The following CCDC87 variants were observed in gnomAD, a reference collection of about 807,000 sequenced individuals.
The protein encoded by CCDC87 is coiled-coil domain-containing protein 87.
For missense variants in CCDC87, 1,072 were observed against 1,041.7 expected, an observed-to-expected ratio of 1.03 and a Z score of -0.40; for synonymous variants, 434 against 440.2, an observed-to-expected ratio of 0.99 and a Z score of 0.18.
At position 66,590,449 on chromosome 11, in the gene CCDC87, G is replaced by C. The variant is rs763164561; in HGVS notation, c.*17C>G. 7.6e-6 allele frequency: 12 copies of C among 1,580,150 alleles called. No homozygotes were observed. The Admixed American group carries it at 2.1e-4, about 28-fold the overall frequency. On this transcript the variant is annotated 3_prime_UTR_variant, in exon 1 of 1. Coordinates refer to ENST00000333861, the MANE Select transcript of CCDC87 (RefSeq NM_018219.3). ...CTGGGCCTGGTCAAGGAGTAATAGG[G>C]GTATTCCCAGGAGCTACTAAAGGCT...
rs778179008 is a variant in CCDC87 at position 66,591,926 on chromosome 11, T to A, written c.1090A>T (p.Met364Leu). ...GGGTAGCGAGTCCCCTCCAACTTCA[T>A]CTTCTTTATCAACTGCTTCAGATCC... Reference protein sequence around the residue: ...AEDLKQLIKKMKLEGTRYPPL... With the variant: ...AEDLKQLIKKLKLEGTRYPPL... The change falls in exon 1 of 1, where the codon ATG becomes TTG. Residue 364 changes from methionine (M) to leucine (L), a missense_variant. Met to Leu is a conservative substitution (Grantham distance 15). Transcript: ENST00000333861. 2 of 1,613,860 alleles carry A rather than the reference T, an allele frequency of 1.2e-6. No individual in the cohort carries two copies. The highest frequency in any genetic ancestry group is 1.7e-6 in the Non-Finnish European group (2 of 1,180,038).
rs762068254 is a variant in CCDC87 at position 66,590,695 on chromosome 11, CTGT to C, written c.2318_2320del (p.His773del). ...AGAAGACTCCATTAAGTTGAGCTTC[CTGT>C]GGAGATGGCTTCGGACCTGATTCTC... On this transcript the variant is annotated inframe_deletion, in exon 1 of 1. Transcript: ENST00000333861. 6.2e-7 allele frequency: 1 copy of C among 1,614,146 alleles called. No individual in the cohort carries two copies. The highest frequency in any genetic ancestry group is 1.1e-5 in the South Asian group (1 of 91,088).
chr11:66,590,514 C>A lies in CCDC87; in HGVS notation c.2502G>T (p.Lys834Asn). ...TGAACAGGGTTGACTGGTGGGGATC[C>A]TTCAGGGCCGAGACCAGGTGGCGAA... Reference protein sequence around the residue: ...RRVRHLVSALKDPHQSTLFRS... With the variant: ...RRVRHLVSALNDPHQSTLFRS... Residue 834 changes from lysine (K) to asparagine (N), a missense_variant, in exon 1 of 1, where the codon AAG (lysine) becomes AAT (asparagine). Physicochemically the swap from Lys to Asn is moderately conservative, Grantham distance 94. Transcript: ENST00000333861. The A allele has an allele frequency of 6.2e-7, 1 of 1,613,860 alleles. No individual in the cohort carries two copies. Among genetic ancestry groups the A allele is most frequent in the Non-Finnish European group, 8.5e-7 (1 of 1,179,808 alleles).
rs1305386461 is a variant in CCDC87, at chr11:66,590,520, G to A, written c.2496C>T (p.Ala832=). The part of the protein sequence containing the change: ...QQRRVRHLVS[A]LKDPHQSTLF... ...GGGTTGACTGGTGGGGATCCTTCAGGGCCGAGACCAGGTGGCGAACCCGCC... is the reference window on the plus strand; with the variant it reads ...GGGTTGACTGGTGGGGATCCTTCAGAGCCGAGACCAGGTGGCGAACCCGCC... The change falls in exon 1 of 1, where the codon GCC becomes GCT. Residue 832 remains alanine, a synonymous_variant. Coordinates refer to ENST00000333861, the MANE Select transcript of CCDC87 (RefSeq NM_018219.3). The A allele has an allele frequency of 1.2e-6, 2 of 1,613,982 alleles. No homozygotes were observed. The highest frequency in any genetic ancestry group is 1.7e-6 in the Non-Finnish European group (2 of 1,179,908).
rs1202205157 is a variant in CCDC87, at chr11:66,592,151, A to G, written c.865T>C (p.Tyr289His). Residue 289 changes from tyrosine (Y) to histidine (H), a missense_variant, in exon 1 of 1, where the codon TAT (tyrosine) becomes CAT (histidine). Physicochemically the swap from Tyr to His is moderately conservative, Grantham distance 83. Transcript: ENST00000333861. ...GCCCTGCTGGTGGGGGCCACAGGAT[A>G]GCTGGGCAGCGACACCATCTGTGAG... ...SSSQMVSLPS[Y>H]PVAPTSRASP... 1.9e-6 allele frequency: 3 copies of G among 1,587,094 alleles called. No homozygotes were observed. Among genetic ancestry groups the G allele is most frequent in the Admixed American group, 1.7e-5 (1 of 57,418 alleles).
chr11:66,591,045 AG>A lies in CCDC87; in HGVS notation c.1970del (p.Thr657MetfsTer3). On this transcript the variant is annotated frameshift_variant, in exon 1 of 1. Coordinates refer to ENST00000333861, the MANE Select transcript of CCDC87 (RefSeq NM_018219.3). LOFTEE classifies it low-confidence loss of function (END_TRUNC). ...DFVPGEWDWN[T>X]VLEHRLGAGK... Reference sequence around the variant, plus strand: ...CAGCTCCTAGCCTGTGCTCTAGCACAGTGTTCCAATCCCACTCTCCTGGCAC... The same window carrying A: ...CAGCTCCTAGCCTGTGCTCTAGCACATGTTCCAATCCCACTCTCCTGGCAC... The A allele has an allele frequency of 6.2e-7, 1 of 1,614,144 alleles. No individual in the cohort carries two copies. Among genetic ancestry groups the A allele is most frequent in the Non-Finnish European group, 8.5e-7 (1 of 1,180,036 alleles).
rs1041546482 is a variant in CCDC87, at chr11:66,591,092, C to G, written c.1924G>C (p.Glu642Gln). 1.2e-6 allele frequency: 2 copies of G among 1,614,058 alleles called. No homozygotes were observed. Among genetic ancestry groups the G allele is most frequent in the Non-Finnish European group, 1.7e-6 (2 of 1,180,050 alleles). ...LEIQHPPPLL[E>Q]DEEPDFVPGE... is the part of the protein sequence containing the mutation. Reference sequence around the variant, plus strand: ...GGCACAAAGTCTGGTTCTTCATCTTCTAGCAATGGGGGAGGGTGCTGAATC... The same window carrying G: ...GGCACAAAGTCTGGTTCTTCATCTTGTAGCAATGGGGGAGGGTGCTGAATC... The change falls in exon 1 of 1, where the codon GAA (glutamate) becomes CAA (glutamine). Residue 642 changes from glutamate to glutamine, a missense_variant. Coordinates refer to ENST00000333861, the MANE Select transcript of CCDC87 (RefSeq NM_018219.3).
At position 66,592,999 on chromosome 11, in the gene CCDC87, T is replaced by C. The variant is rs770101981; in HGVS notation, c.17A>G (p.Lys6Arg). 2.0e-6 allele frequency: 3 copies of C among 1,513,520 alleles called. No individual in the cohort carries two copies. The African/African-American group carries it at 4.2e-5, about 21-fold the overall frequency. 93.8% of individuals were successfully genotyped at this position (1,513,520 alleles called of 1,614,324 possible). The change falls in exon 1 of 1, where the codon AAG becomes AGG. Residue 6 changes from lysine to arginine, a missense_variant. Lys to Arg is a conservative substitution (Grantham distance 26). Coordinates refer to ENST00000333861, the MANE Select transcript of CCDC87 (RefSeq NM_018219.3). ...AAACCGCTGGAGCTCAGGCTCGGGC[T>C]TCGGGGGCTCCATCATAGAGCCGGC... is the stretch of plus-strand genomic sequence containing the variant. MMEPP[K>R]PEPELQRFYH...
At position 66,592,096 on chromosome 11, in the gene CCDC87, C is replaced by A; in HGVS notation, c.920G>T (p.Arg307Leu). ...CAGGGAGGGCATGGATTGGCCTCTC[C>A]GGAGCTCAGGGCAGAAAGGCGAGGG... ...ASPSPFCPEL[R>L]RGQSMPSLRE... Residue 307 changes from arginine (R) to leucine (L), a missense_variant, in exon 1 of 1, where the codon CGG becomes CTG. Arg to Leu is a moderately radical substitution (Grantham distance 102). Transcript: ENST00000333861. 1.3e-6 allele frequency: 2 copies of A among 1,597,534 alleles called. No individual in the cohort carries two copies. The highest frequency in any genetic ancestry group is 1.7e-6 in the Non-Finnish European group (2 of 1,171,730).
rs1424562568 is a variant in CCDC87, at chr11:66,592,871, G to A, written c.145C>T (p.Pro49Ser). Reference protein sequence around the residue: ...PQEGRILQSFPLAKLTVASLC... With the variant: ...PQEGRILQSFSLAKLTVASLC... ...GACGCCACCGTCAGCTTCGCCAGAG[G>A]GAAGGACTGCAGAATCCGGCCCTCC... is the stretch of plus-strand genomic sequence containing the variant. The change falls in exon 1 of 1, where the codon CCT (proline) becomes TCT (serine). Residue 49 changes from proline to serine, a missense_variant. Physicochemically the swap from Pro to Ser is moderately conservative, Grantham distance 74. Coordinates refer to ENST00000333861, the MANE Select transcript of CCDC87 (RefSeq NM_018219.3). 6.4e-7 allele frequency: 1 copy of A among 1,566,166 alleles called. No homozygotes were observed. Among genetic ancestry groups the A allele is most frequent in the Non-Finnish European group, 8.6e-7 (1 of 1,156,346 alleles).
Position 66,592,599 on chromosome 11 carries a change from C to T in CCDC87, c.417G>A (p.Ser139=). The change falls in exon 1 of 1, where the codon TCG becomes TCA. Residue 139 remains serine (S), a synonymous_variant. Coordinates refer to ENST00000333861, the MANE Select transcript of CCDC87 (RefSeq NM_018219.3). The part of the protein sequence containing the change: ...LRYLHLLVTM[S]TPRGVFTESA... ...ATTCAGTGAAGACCCCCCTGGGAGT[C>T]GACATGGTCACCAGCAGGTGCAGGT... 1 of 1,613,596 alleles carries T rather than the reference C, an allele frequency of 6.2e-7. No individual in the cohort carries two copies. The highest frequency in any genetic ancestry group is 8.5e-7 in the Non-Finnish European group (1 of 1,180,010).
rs780694202 is a variant in CCDC87 at position 66,590,706 on chromosome 11, G to A, written c.2310C>T (p.Ser770=). Residue 770 remains serine, a synonymous_variant, in exon 1 of 1, where the codon AGC becomes AGT. Transcript: ENST00000333861. ...TTAAGTTGAGCTTCCTGTGGAGATG[G>A]CTTCGGACCTGATTCTCCTCCAGGA... The part of the protein sequence containing the change: ...SHFLEENQVR[S]HLHRKLNLME... 3.7e-6 allele frequency: 6 copies of A among 1,613,990 alleles called. No individual in the cohort carries two copies. Among genetic ancestry groups the A allele is most frequent in the Non-Finnish European group, 5.1e-6 (6 of 1,180,020 alleles).
Position 66,591,058 on chromosome 11 carries a change from C to A in CCDC87, c.1958G>T (p.Trp653Leu), listed in dbSNP as rs551745580. 3 of 1,614,034 alleles carry A rather than the reference C, an allele frequency of 1.9e-6. No homozygotes were observed. Among genetic ancestry groups the A allele is most frequent in the Non-Finnish European group, 2.5e-6 (3 of 1,180,054 alleles). Residue 653 changes from tryptophan (W) to leucine (L), a missense_variant, in exon 1 of 1, where the codon TGG becomes TTG. Physicochemically the swap from Trp to Leu is moderately conservative, Grantham distance 61 (BLOSUM62 -2). Coordinates refer to ENST00000333861, the MANE Select transcript of CCDC87 (RefSeq NM_018219.3). ...GTGCTCTAGCACAGTGTTCCAATCC[C>A]ACTCTCCTGGCACAAAGTCTGGTTC... ...DEEPDFVPGE[W>L]DWNTVLEHRL...
chr11:66,590,496 G>T lies in CCDC87; in HGVS notation c.2520C>A (p.Thr840=). The stretch of plus-strand genomic sequence containing the variant: ...GGCTGGCTGCTGAGCTCCTGAACAG[G>T]GTTGACTGGTGGGGATCCTTCAGGG... ...VSALKDPHQS[T]LFRSSAASL is the part of the protein sequence containing the mutation. Residue 840 remains threonine, a synonymous_variant, in exon 1 of 1, where the codon ACC becomes ACA. Coordinates refer to ENST00000333861, the MANE Select transcript of CCDC87 (RefSeq NM_018219.3). 1 of 1,613,402 alleles carries T rather than the reference G, an allele frequency of 6.2e-7. No homozygotes were observed. Among genetic ancestry groups the T allele is most frequent in the Non-Finnish European group, 8.5e-7 (1 of 1,179,530 alleles).
At position 66,592,014 on chromosome 11, in the gene CCDC87, G is replaced by A. The variant is rs1382800869; in HGVS notation, c.1002C>T (p.Pro334=). The A allele has an allele frequency of 1.2e-6, 2 of 1,613,902 alleles. No individual in the cohort carries two copies. Among genetic ancestry groups the A allele is most frequent in the Non-Finnish European group, 8.5e-7 (1 of 1,180,000 alleles). The change falls in exon 1 of 1, where the codon CCC becomes CCT. Residue 334 remains proline, a synonymous_variant. Transcript: ENST00000333861. ...ELGLPPLPSR[P]LTPLVLATES... is the part of the protein sequence containing the mutation. ...CTGTAGCCAAGACCAGCGGGGTTAA[G>A]GGGCGAGATGGGAGTGGAGGAAGGC...
In CCDC87 at chr11:66,590,404, G is replaced by T; in HGVS notation, c.*62C>A. ...GATGAGCTGCTGGCCATTTAGGGGT[G>T]AGGGAGGCATTTGAGGGCACTGGGC... is the stretch of plus-strand genomic sequence containing the variant. On this transcript the variant is annotated 3_prime_UTR_variant, in exon 1 of 1. Transcript: ENST00000333861. The T allele has an allele frequency of 7.8e-7, 1 of 1,279,846 alleles. No homozygotes were observed. The highest frequency in any genetic ancestry group is 1.1e-6 in the Non-Finnish European group (1 of 913,276). 79.3% of individuals were successfully genotyped at this position (1,279,846 alleles called of 1,614,324 possible).
chr11:66,591,986 T>C lies in CCDC87; in HGVS notation c.1030A>G (p.Ser344Gly). 1 of 1,613,840 alleles carries C rather than the reference T, an allele frequency of 6.2e-7. No homozygotes were observed. Among genetic ancestry groups the C allele is most frequent in the Non-Finnish European group, 8.5e-7 (1 of 1,180,018 alleles). Reference protein sequence around the residue: ...PLTPLVLATESKPELTGLIVA... With the variant: ...PLTPLVLATEGKPELTGLIVA... Reference sequence around the variant, plus strand: ...ATGAGCCCAGTCAGCTCTGGTTTGCTCTCTGTAGCCAAGACCAGCGGGGTT... The same window carrying C: ...ATGAGCCCAGTCAGCTCTGGTTTGCCCTCTGTAGCCAAGACCAGCGGGGTT... Residue 344 changes from serine (S) to glycine (G), a missense_variant, in exon 1 of 1, where the codon AGC (serine) becomes GGC (glycine). Physicochemically the swap from Ser to Gly is moderately conservative, Grantham distance 56 (BLOSUM62 0). Coordinates refer to ENST00000333861, the MANE Select transcript of CCDC87 (RefSeq NM_018219.3).
rs1858325815 is a variant in CCDC87 at position 66,590,307 on chromosome 11, C to G, written c.*159G>C. On this transcript the variant is annotated 3_prime_UTR_variant, in exon 1 of 1. Coordinates refer to ENST00000333861, the MANE Select transcript of CCDC87 (RefSeq NM_018219.3). ...GTCTCAATCCCTTCATAGTTGGAAG[C>G]ATAATGTTCCTGAACCCTCCACTCC... The G allele has an allele frequency of 1.7e-6, 1 of 598,204 alleles. No individual in the cohort carries two copies. The highest frequency in any genetic ancestry group is 1.9e-5 in the African/African-American group (1 of 53,866). The allele number at this position is 598,204 out of a possible 1,614,324, so 37.1% of individuals were successfully genotyped here.
In CCDC87 at chr11:66,591,542, T is replaced by C. The variant is rs1858357260; in HGVS notation, c.1474A>G (p.Arg492Gly). ...DIDNFVGSTTREVYKELMSHV... is the reference protein window; with the variant it reads ...DIDNFVGSTTGEVYKELMSHV... ...CTCATCAACTCCTTGTAGACCTCCCTGGTAGTACTGCCAACAAAGTTATCA... is the reference window on the plus strand; with the variant it reads ...CTCATCAACTCCTTGTAGACCTCCCCGGTAGTACTGCCAACAAAGTTATCA... The change falls in exon 1 of 1, where the codon AGG (arginine) becomes GGG (glycine). Residue 492 changes from arginine to glycine, a missense_variant. Transcript: ENST00000333861. The C allele has an allele frequency of 1.2e-6, 2 of 1,614,108 alleles. No individual in the cohort carries two copies. The highest frequency in any genetic ancestry group is 1.3e-5 in the African/African-American group (1 of 74,938).
Sources: allele counts gnomAD v4.1 joint callset, GRCh38; gene constraint gnomAD v4.1.1; transcripts MANE v1.5; gene names NCBI Gene and HGNC (gene_info 2026-07-23, HGNC 2026-07-21).